IMPG2: variants seen among roughly 807,000 people sequenced by gnomAD.
IMPG2 encodes interphotoreceptor matrix proteoglycan 2.
A neutral mutation model predicts 129.2 loss-of-function variants in IMPG2; 91 were observed. The observed-to-expected ratio is 0.70, with a 90% confidence interval of 0.59 to 0.84. The LOEUF (loss-of-function observed/expected upper bound fraction) is 0.84, where lower values mean the gene tolerates loss of function less well. IMPG2 is among the 40% of genes least tolerant of loss of function. The probability of loss-of-function intolerance (pLI) is 0.00; values close to 1 mark genes in which losing one functional copy is unlikely to be tolerated. For synonymous variants in IMPG2, 510 were observed against 517.7 expected, an observed-to-expected ratio of 0.99 and a Z score of 0.20; for missense variants, 1,430 against 1,461.7, an observed-to-expected ratio of 0.98 and a Z score of 0.35.
rs1214714154 is a variant in IMPG2 at position 101,276,685 on chromosome 3, C to G, written c.562G>C (p.Gly188Arg). The G allele has an allele frequency of 6.2e-7, 1 of 1,609,120 alleles. No homozygotes were observed. Among genetic ancestry groups the G allele is most frequent in the Non-Finnish European group, 8.5e-7 (1 of 1,176,314 alleles). Residue 188 changes from glycine to arginine, a missense_variant, in exon 5 of 19, where the codon GGT (glycine) becomes CGT (arginine). Transcript: ENST00000193391. ...SSELSSPVPV[G>R]DTSTLGDTTL... The stretch of plus-strand genomic sequence containing the variant: ...ATACCTCCCAATGTTGAAGTATCAC[C>G]AACAGGAACTGGAGAAGACAGTTCA...
rs66908707 is a variant in IMPG2, at chr3:101,226,225, TTATATATATATATATATATATA to T, written c.*722_*743del. The T allele has an allele frequency of 3.2e-3, 327 of 102,890 alleles. 6 individuals are homozygous for T. The highest frequency in any genetic ancestry group is 0.011 in the African/African-American group (241 of 22,924). 6.4% of individuals were successfully genotyped at this position (102,890 alleles called of 1,614,324 possible). A position where few individuals can be genotyped will look rare whatever the true frequency, so the allele number is the denominator to read the frequency against. On this transcript the variant is annotated 3_prime_UTR_variant, in exon 19 of 19. Transcript: ENST00000193391. ...TAGATTAATGGGAATCTTCTAAACT[TTATATATATATATATATATATA>T]TATATATATATATATATATATATAT... is the stretch of plus-strand genomic sequence containing the variant.
chr3:101,259,132 A>AT (rs1471706971), intron 9 of IMPG2, among the ~76,000 whole-genome samples: 1 of 152,158 alleles, frequency 6.6e-6, no homozygotes, highest in East Asian at 1.9e-4. Context: ...TACCCAAAAA[A>AT]GTAATTATGA....
chr3:101,227,134 TA>T (rs113265320), intron 18 of IMPG2, among the ~76,000 whole-genome samples, 153 bp from the exon 19 acceptor site: 11 of 152,258 alleles, frequency 7.2e-5, no homozygotes, highest in African/African-American at 1.4e-4. Context: ...TGTTCTGTGC[TA>T]AAAATTTTTT....
chr3:101,306,498 T>C (rs1201072579), intron 2 of IMPG2, among the ~76,000 whole-genome samples: 3 of 152,214 alleles, frequency 2.0e-5, no homozygotes, highest in African/African-American at 7.2e-5. Context: ...CTGAACTATT[T>C]GTAGATCATT....
At chr3:101,271,455 T>C (rs935354928) in intron 7 of IMPG2, among the ~76,000 whole-genome samples, 1 of 152,234 alleles carries the variant, frequency 6.6e-6, no homozygotes, top group African/African-American at 2.4e-5. Flanking sequence ...GTAAAATTTA[T>C]TGAGGACTGC....
At chr3:101,232,745 T>C (rs1706303038) in intron 15 of IMPG2, 36 bp downstream of exon 15, 12 of 1,575,794 alleles carry the variant, frequency 7.6e-6, no homozygotes, top group Non-Finnish European at 1.0e-5. Flanking sequence ...GAAATATCTA[T>C]AGCCTCTAAA....
In IMPG2 at chr3:101,242,904, C is replaced by G; in HGVS notation, c.2806G>C (p.Val936Leu). The change falls in exon 14 of 19, where the codon GTT (valine) becomes CTT (leucine). Residue 936 changes from valine (V) to leucine (L), a missense_variant. Coordinates refer to ENST00000193391, the MANE Select transcript of IMPG2 (RefSeq NM_016247.4). ...ALEQRFLELL[V>L]PYLQSNLTGF... is the part of the protein sequence containing the mutation. Reference sequence around the variant, plus strand: ...GTGAGATTTGACTGGAGATAGGGAACCAGCTACAATATACAAAAGTGGTAA... The same window carrying G: ...GTGAGATTTGACTGGAGATAGGGAAGCAGCTACAATATACAAAAGTGGTAA... 6.2e-7 allele frequency: 1 copy of G among 1,612,772 alleles called. No individual in the cohort carries two copies. The highest frequency in any genetic ancestry group is 1.7e-4 in the Middle Eastern group (1 of 6,056).
chr3:101,319,144 T>G (rs909311924), intron 2 of IMPG2, among the ~76,000 whole-genome samples: 1 of 152,118 alleles, frequency 6.6e-6, no homozygotes, highest in Non-Finnish European at 1.5e-5. Context: ...AAAATTAAAA[T>G]TAATGTAGCC....
At chr3:101,283,115 C>T (rs1426322363) in intron 4 of IMPG2, among the ~76,000 whole-genome samples, 1 of 152,122 alleles carries the variant, frequency 6.6e-6, no homozygotes, top group Non-Finnish European at 1.5e-5. Flanking sequence ...CTCTGCCTCT[C>T]AGGTTCAAGC....
chr3:101,269,926 C>CTTTTTTTTTTTTT (rs5851267), intron 7 of IMPG2, among the ~76,000 whole-genome samples: 5 of 106,982 alleles, frequency 4.7e-5, no homozygotes, highest in Non-Finnish European at 7.7e-5. Context: ...TTATTTTATT[C>CTTTTTTTTTTTTT]TTTTTTTTTT....
chr3:101,318,499 G>T (rs2058796106), intron 2 of IMPG2, among the ~76,000 whole-genome samples: 1 of 151,956 alleles, frequency 6.6e-6, no homozygotes, highest in Admixed American at 6.6e-5. Context: ...TGTAATAGCT[G>T]GTATTATATT....
At chr3:101,256,187 A>AAG (rs1175650334) in intron 10 of IMPG2, among the ~76,000 whole-genome samples, 3 of 150,396 alleles carry the variant, frequency 2.0e-5, no homozygotes, top group Non-Finnish European at 4.4e-5. Flanking sequence ...GAAAGAAAGA[A>AAG]AGAAAGAAAG....
chr3:101,305,528 A>C (rs901140896), intron 2 of IMPG2, among the ~76,000 whole-genome samples: 1 of 152,200 alleles, frequency 6.6e-6, no homozygotes. Context: ...ATTGTAACAC[A>C]TATGCCACAA....
intron 10 of IMPG2, among the ~76,000 whole-genome samples, chr3:101,255,715 C>T (rs1706590865): frequency 6.6e-6 from 1 of 152,082 alleles, no homozygotes; most frequent in South Asian, 2.1e-4. Flanking sequence ...GCCAGAGGGA[C>T]TTCAGCAGTT....
rs1706223106 is a variant in IMPG2 at position 101,226,273 on chromosome 3, A to G, written c.*696T>C. 1 of 120,724 alleles carries G rather than the reference A, an allele frequency of 8.3e-6. No individual in the cohort carries two copies. Among genetic ancestry groups the G allele is most frequent in the African/African-American group, 3.2e-5 (1 of 31,472 alleles). The allele number at this position is 120,724 out of a possible 1,614,324, so 7.5% of individuals were successfully genotyped here. A position where few individuals can be genotyped will look rare whatever the true frequency, so the allele number is the denominator to read the frequency against. ...TATATATATATATATATATATATAT[A>G]TATATATGCATTCATCCTGAAAACT... is the stretch of plus-strand genomic sequence containing the variant. On this transcript the variant is annotated 3_prime_UTR_variant, in exon 19 of 19. Coordinates refer to ENST00000193391, the MANE Select transcript of IMPG2 (RefSeq NM_016247.4).
intron 3 of IMPG2, among the ~76,000 whole-genome samples, chr3:101,300,689 G>C (rs1412357558): frequency 6.6e-6 from 1 of 152,236 alleles, no homozygotes; most frequent in African/African-American, 2.4e-5. Flanking sequence ...TGCCTAGTCA[G>C]TTCTGATGAC....
chr3:101,242,266 G>C (rs1346421284), intron 14 of IMPG2, among the ~76,000 whole-genome samples: 1 of 152,184 alleles, frequency 6.6e-6, no homozygotes, highest in Non-Finnish European at 1.5e-5. Context: ...GAGGTTATGA[G>C]AGATGTTTGG....
At chr3:101,260,481 T>TA (rs1472899593) in intron 9 of IMPG2, among the ~76,000 whole-genome samples, 1 of 152,124 alleles carries the variant, frequency 6.6e-6, no homozygotes, top group Non-Finnish European at 1.5e-5. Flanking sequence ...CAAGATAGAA[T>TA]AAAACAATAA....
intron 9 of IMPG2, among the ~76,000 whole-genome samples, chr3:101,267,077 A>G (rs1249138295): frequency 6.6e-6 from 1 of 152,216 alleles, no homozygotes; most frequent in Non-Finnish European, 1.5e-5. Flanking sequence ...TAAGCCAGGA[A>G]CATAAAATTA....
Sources: gnomAD v4.1 joint callset for allele counts (sites outside exome capture counted in the v4.1 genomes callset) on GRCh38, gnomAD v4.1.1 for gene constraint, MANE v1.5 for transcripts, NCBI Gene and HGNC (gene_info 2026-07-23, HGNC 2026-07-21) for gene names.